APBB2: variants seen among roughly 807,000 people sequenced by gnomAD.
APBB2 encodes amyloid beta precursor protein binding family B member 2, also known as Fe65-like 1.
In APBB2, 38 loss-of-function variants were observed where a neutral mutation model predicts 82.5. That is an observed-to-expected ratio of 0.46 (90% CI 0.36 to 0.60). APBB2 has a LOEUF of 0.60. Among genes scored for constraint, APBB2 ranks in the 20% least tolerant of loss-of-function variants. The pLI, the probability that APBB2 is intolerant of heterozygous loss-of-function variation, is 0.00. For synonymous variants in APBB2, 341 were observed against 368.2 expected (o/e 0.93, Z 0.85); for missense variants, 772 against 972.3 (o/e 0.79, Z 2.74).
At chr4:40,875,064 T>C (rs1273700004) in intron 12 of APBB2, among the ~76,000 whole-genome samples, 1 of 152,198 alleles carries the variant, frequency 6.6e-6, no homozygotes, top group Admixed American at 6.5e-5. Context: ...GGTAAGTGCC[T>C]GGCTCAGCTG....
intron 6 of APBB2, among the ~76,000 whole-genome samples, chr4:41,005,041 C>T (rs1049367700): frequency 6.6e-6 from 1 of 152,006 alleles, no homozygotes; most frequent in Non-Finnish European, 1.5e-5. Flanking sequence ...TAGAGCTGTT[C>T]GAGTTTGCTA....
intron 10 of APBB2, among the ~76,000 whole-genome samples, chr4:40,900,185 A>G (rs149710376): frequency 2.4e-3 from 363 of 152,352 alleles, no homozygotes; most frequent in Non-Finnish European, 4.1e-3. Context: ...TTTACCACTC[A>G]AGCCTAATTA....
At chr4:41,116,865 G>A (rs995423825) in intron 2 of APBB2, among the ~76,000 whole-genome samples, 3 of 151,994 alleles carry the variant, frequency 2.0e-5, no homozygotes, top group Non-Finnish European at 4.4e-5. Context: ...TCGTCGTGTT[G>A]TCTTGCCAAA....
At chr4:40,985,362 G>T (rs1800157451) in intron 6 of APBB2, among the ~76,000 whole-genome samples, 1 of 151,978 alleles carries the variant, frequency 6.6e-6, no homozygotes, top group African/African-American at 2.4e-5. Context: ...CAACCCAGTG[G>T]TAGGAAGCTA....
chr4:40,948,550 C>T (rs955057532), intron 6 of APBB2, among the ~76,000 whole-genome samples: 2 of 151,898 alleles, frequency 1.3e-5, no homozygotes, highest in African/African-American at 2.4e-5. Flanking sequence ...CACTTGAGGT[C>T]AGGAGTTCAA....
At chr4:40,859,117 A>C (rs193175448) in intron 12 of APBB2, among the ~76,000 whole-genome samples, 3 of 152,258 alleles carry the variant, frequency 2.0e-5, no homozygotes, top group African/African-American at 7.2e-5. Flanking sequence ...GGTCTGCCAG[A>C]TGTCCACAGG....
At chr4:40,985,447 G>A (rs769079694) in intron 6 of APBB2, among the ~76,000 whole-genome samples, 20 of 152,196 alleles carry the variant, frequency 1.3e-4, no homozygotes, top group Non-Finnish European at 2.9e-4. Context: ...CTTTTCAGGC[G>A]GTTACATGAA....
chr4:40,956,224 C>G (rs1791612555), intron 6 of APBB2, among the ~76,000 whole-genome samples: 1 of 152,130 alleles, frequency 6.6e-6, no homozygotes, highest in African/African-American at 2.4e-5. Context: ...CCAGCTTCAC[C>G]ACCAACTTTG....
At chr4:40,887,355 C>T (rs1343101623) in intron 12 of APBB2, among the ~76,000 whole-genome samples, 1 of 152,212 alleles carries the variant, frequency 6.6e-6, no homozygotes, top group Non-Finnish European at 1.5e-5. Flanking sequence ...ATAATACACA[C>T]TTCTCTTATT....
intron 12 of APBB2, among the ~76,000 whole-genome samples, chr4:40,839,577 GT>G (rs1188508512): frequency 6.6e-6 from 1 of 152,092 alleles, no homozygotes; most frequent in East Asian, 1.9e-4. Flanking sequence ...TCAATAAATG[GT>G]AGGTACCATA....
intron 5 of APBB2, among the ~76,000 whole-genome samples, chr4:41,020,229 C>A (rs1811116708): frequency 6.6e-6 from 1 of 152,262 alleles, no homozygotes; most frequent in East Asian, 1.9e-4. Flanking sequence ...AAGCCACTGA[C>A]AACCCATAGC....
intron 2 of APBB2, among the ~76,000 whole-genome samples, chr4:41,134,997 T>G (rs1713360421): frequency 2.6e-5 from 4 of 152,148 alleles, no homozygotes; most frequent in African/African-American, 9.7e-5. Flanking sequence ...TCAATCCTAT[T>G]TTAGAATAAT....
intron 2 of APBB2, among the ~76,000 whole-genome samples, chr4:41,129,527 A>G (rs2154003715): frequency 6.6e-6 from 1 of 152,328 alleles, no homozygotes; most frequent in East Asian, 1.9e-4. Flanking sequence ...GTTTGGACAC[A>G]TTGTATTAGA....
At chr4:41,017,172 C>T (rs768648289) in intron 5 of APBB2, among the ~76,000 whole-genome samples, 1 of 152,174 alleles carries the variant, frequency 6.6e-6, no homozygotes. Context: ...ACTGGGATTA[C>T]AGGCGTGAAC....
Position 41,142,212 on chromosome 4 carries a change from C to T in APBB2, c.-261+775G>A, listed in dbSNP as rs150705967. ...GCTGCTTATGTAGAAAGCTGACTTA[C>T]CCACTGAATGTCCAACAGAAATGGT... On this transcript the variant is annotated intron_variant, in intron 2 of 17. Coordinates refer to ENST00000508593, the MANE Select transcript of APBB2 (RefSeq NM_004307.2). Among the ~76,000 whole-genome samples the T allele has an allele frequency of 1.2e-3, 179 of 152,298 alleles. 1 individual carries two copies. The highest frequency in any genetic ancestry group is 4.1e-3 in the African/African-American group (171 of 41,568).
Position 41,013,910 on chromosome 4 carries a change from T to G in APBB2, c.508A>C (p.Thr170Pro). 1 of 1,614,116 alleles carries G rather than the reference T, an allele frequency of 6.2e-7. No individual in the cohort carries two copies. The highest frequency in any genetic ancestry group is 8.5e-7 in the Non-Finnish European group (1 of 1,179,992). The change falls in exon 6 of 18, where the codon ACC becomes CCC. Residue 170 changes from threonine to proline, a missense_variant. Transcript: ENST00000508593. ...SFLNYYADLE[T>P]SARELEQNRG... ...TTCTGCTCTAGTTCTCTGGCTGAGG[T>G]TTCCAGATCTGCATAGTAATTTAGG...
At chr4:41,203,649 A>G (rs567444327) in intron 1 of APBB2, among the ~76,000 whole-genome samples, 2 of 152,272 alleles carry the variant, frequency 1.3e-5, no homozygotes, top group East Asian at 3.9e-4. Flanking sequence ...CACTAACAAG[A>G]GGGCCCCAAA....
At chr4:40,884,678 G>T (rs763301519) in intron 12 of APBB2, among the ~76,000 whole-genome samples, 1 of 151,528 alleles carries the variant, frequency 6.6e-6, no homozygotes, top group African/African-American at 2.4e-5. Context: ...CAGGAGGATC[G>T]CTTGAGCCCA....
At chr4:40,880,477 C>A in intron 12 of APBB2, 2 of 985,440 alleles carry the variant, frequency 2.0e-6, no homozygotes, top group Non-Finnish European at 2.4e-6. Flanking sequence ...AGCACCAAAC[C>A]ATGCACTGAA....
Sources: allele counts gnomAD v4.1 joint callset (sites outside exome capture counted in the v4.1 genomes callset), GRCh38; gene constraint gnomAD v4.1.1; transcripts MANE v1.5; gene names NCBI Gene and HGNC (gene_info 2026-07-23, HGNC 2026-07-21).